Variants in DAB1 observed in about 807,000 individuals in gnomAD.
The protein encoded by DAB1 is DAB adaptor protein 1, also known as disabled homolog 1.
Under a neutral mutation model 64.6 loss-of-function variants are expected in DAB1, and 15 were observed. The observed-to-expected ratio is 0.23, with a 90% CI of 0.16 to 0.36. The LOEUF is 0.36. Among genes scored for constraint, DAB1 ranks in the 10% least tolerant of loss-of-function variants. DAB1 has a pLI of 1.00. For missense variants in DAB1, 596 were observed against 706.7 expected (o/e 0.84, Z 1.78); for synonymous variants, 235 against 251.9 (o/e 0.93, Z 0.64).
chr1:57,393,078 A>T (rs1017945013), intron 1 of DAB1, among the ~76,000 whole-genome samples: 1 of 152,170 alleles, frequency 6.6e-6, no homozygotes, highest in Non-Finnish European at 1.5e-5. Context: ...GGTGTACAAC[A>T]TGATGTTTTG....
At chr1:58,349,793 C>CT (rs1187671757) in intron 3 of DAB1, among the ~76,000 whole-genome samples, 3 of 151,972 alleles carry the variant, frequency 2.0e-5, no homozygotes, top group Non-Finnish European at 2.9e-5. Context: ...TGAACTCATC[C>CT]TTTTTGTGGC....
At chr1:58,016,152 G>T (rs959499577) in intron 5 of DAB1, among the ~76,000 whole-genome samples, 3 of 152,008 alleles carry the variant, frequency 2.0e-5, no homozygotes, top group African/African-American at 7.2e-5. Flanking sequence ...GTAAATTGGG[G>T]GTCAGTACAT....
intron 7 of DAB1, among the ~76,000 whole-genome samples, chr1:57,592,529 G>C (rs1645457436): frequency 6.6e-6 from 1 of 152,060 alleles, no homozygotes; most frequent in African/African-American, 2.4e-5. Flanking sequence ...TGCCACATTA[G>C]TGAGGAGTCT....
intron 6 of DAB1, among the ~76,000 whole-genome samples, chr1:57,770,806 G>A (rs1180571842): frequency 6.6e-6 from 1 of 152,124 alleles, no homozygotes; most frequent in Non-Finnish European, 1.5e-5. Context: ...TTATAGTATA[G>A]AAGGACATTG....
chr1:57,965,303 T>G (rs1452450208), intron 5 of DAB1, among the ~76,000 whole-genome samples: 1 of 152,204 alleles, frequency 6.6e-6, no homozygotes, highest in African/African-American at 2.4e-5. Context: ...GCAATAGGAT[T>G]GGGTGAATTG....
chr1:58,250,430 G>A (rs2100403868), intron 4 of DAB1, among the ~76,000 whole-genome samples: 1 of 152,384 alleles, frequency 6.6e-6, no homozygotes, highest in South Asian at 2.1e-4. Context: ...TCCGCTGGCA[G>A]CAGTAGTGGC....
intron 6 of DAB1, among the ~76,000 whole-genome samples, chr1:57,655,145 T>C (rs1165251596): frequency 1.3e-5 from 2 of 152,182 alleles, no homozygotes; most frequent in African/African-American, 4.8e-5. Context: ...TATAATTTTA[T>C]CCCAAATTTT....
intron 1 of DAB1, among the ~76,000 whole-genome samples, chr1:57,353,337 G>A (rs1179481067): frequency 1.3e-5 from 2 of 152,028 alleles, no homozygotes; most frequent in East Asian, 1.9e-4. Flanking sequence ...TGTCCTCAAG[G>A]AGGATATGGC....
chr1:58,506,451 C>T (rs1372534769), intron 2 of DAB1, among the ~76,000 whole-genome samples: 1 of 152,148 alleles, frequency 6.6e-6, no homozygotes, highest in East Asian at 1.9e-4. Flanking sequence ...GCTTTAAAGT[C>T]ATTTTCTATC....
At chr1:58,490,830 C>T (rs1216832405) in intron 3 of DAB1, among the ~76,000 whole-genome samples, 5 of 90,218 alleles carry the variant, frequency 5.5e-5, no homozygotes, top group Admixed American at 1.8e-4. Context: ...TTTTTTGAGA[C>T]GGACTCTCGC....
intron 1 of DAB1, among the ~76,000 whole-genome samples, chr1:57,356,783 A>G (rs1270601680): frequency 1.3e-5 from 2 of 152,020 alleles, no homozygotes; most frequent in Non-Finnish European, 2.9e-5. Flanking sequence ...ATACCATCCT[A>G]CAGCTACCAC....
At chr1:57,553,384 G>GAGAGAA (rs1553193729) in intron 7 of DAB1, among the ~76,000 whole-genome samples, 90 of 6,972 alleles carry the variant, frequency 0.013, 14 homozygotes, top group African/African-American at 0.015. Context: ...AAGGAAGAAA[G>GAGAGAA]AGAAAGAAAG....
intron 2 of DAB1, among the ~76,000 whole-genome samples, chr1:58,516,105 G>T (rs1250994709): frequency 6.6e-6 from 1 of 152,132 alleles, no homozygotes; most frequent in Non-Finnish European, 1.5e-5. Context: ...GTGCTTTCCA[G>T]GCCACTATAG....
intron 5 of DAB1, among the ~76,000 whole-genome samples, chr1:57,928,405 C>A (rs1228400734): frequency 1.3e-5 from 2 of 152,084 alleles, no homozygotes; most frequent in Non-Finnish European, 2.9e-5. Context: ...CAATATCTCC[C>A]ACCAGAGAAG....
At chr1:57,421,917 C>CGG (rs200226853) in intron 1 of DAB1, among the ~76,000 whole-genome samples, 23 of 6,818 alleles carry the variant, frequency 3.4e-3, no homozygotes, top group African/African-American at 5.1e-3. Context: ...GGGGGGGTGG[C>CGG]GGGGGGGGGT....
chr1:57,993,111 C>A (rs1029216301), intron 5 of DAB1, among the ~76,000 whole-genome samples: 3 of 152,160 alleles, frequency 2.0e-5, no homozygotes, highest in Non-Finnish European at 4.4e-5. Context: ...TTGACCCTCA[C>A]TTAACACTTT....
chr1:58,341,696 T>C (rs1294292338), intron 4 of DAB1, among the ~76,000 whole-genome samples: 2 of 152,200 alleles, frequency 1.3e-5, no homozygotes, highest in Admixed American at 6.5e-5. Context: ...TAGCAGCTTC[T>C]ATTACCTACT....
At chr1:58,170,165 C>G (rs1268547192) in intron 4 of DAB1, among the ~76,000 whole-genome samples, 2 of 152,188 alleles carry the variant, frequency 1.3e-5, no homozygotes, top group African/African-American at 4.8e-5. Flanking sequence ...CAAGCCATCC[C>G]CAGTATGGAT....
chr1:57,058,510 A>C (rs927334135), intron 9 of DAB1, among the ~76,000 whole-genome samples: 1 of 152,252 alleles, frequency 6.6e-6, no homozygotes, highest in Non-Finnish European at 1.5e-5. Context: ...TGAGGACATG[A>C]ATATGATATG....
Sources: allele counts gnomAD v4.1 joint callset (sites outside exome capture counted in the v4.1 genomes callset), GRCh38; gene constraint gnomAD v4.1.1; transcripts MANE v1.5; gene names NCBI Gene and HGNC (gene_info 2026-07-23, HGNC 2026-07-21).